The following KPNA7 variants were observed in gnomAD, a reference collection of about 807,000 sequenced individuals.
KPNA7 encodes the protein karyopherin subunit alpha 7, also known as importin subunit alpha-8.
In KPNA7, 54 loss-of-function variants were observed where a neutral mutation model predicts 53.7. That is an observed-to-expected ratio of 1.01 (90% CI 0.81 to 1.26). The LOEUF is 1.26. KPNA7 is among the 50% of genes most tolerant of loss of function. KPNA7 has a pLI of 0.00. For missense variants in KPNA7, 640 were observed against 644.5 expected (o/e 0.99, Z 0.07); for synonymous variants, 276 against 259.3 (o/e 1.06, Z -0.62).
rs117558584 is a variant in KPNA7 at position 99,193,181 on chromosome 7, G to A, written c.554-80C>T. 2.8e-3 allele frequency: 2,376 copies of A among 838,166 alleles called. 13 individuals are homozygous for A. The highest frequency in any genetic ancestry group is 3.6e-3 in the South Asian group (157 of 43,122). The allele number at this position is 838,166 out of a possible 1,614,324, so 51.9% of individuals were successfully genotyped here. A position where few individuals can be genotyped will look rare whatever the true frequency, so the allele number is the denominator to read the frequency against. ...TGGGTGACTAATTTTTTAAGAGTGTGCAAAGGGCAAGAGACAAAAACTCAT... is the reference window on the plus strand; with the variant it reads ...TGGGTGACTAATTTTTTAAGAGTGTACAAAGGGCAAGAGACAAAAACTCAT... On this transcript the variant is annotated intron_variant, in intron 5 of 10. Transcript: ENST00000327442.
the KPNA7 span, among the ~76,000 whole-genome samples, chr7:99,167,555 C>A: frequency 2.0e-5 from 3 of 150,016 alleles, no homozygotes; most frequent in Non-Finnish European, 3.0e-5. Context: ...CGGGTTCAAG[C>A]AATTCTCCTG....
At chr7:99,194,194 T>A (rs1790105319) in intron 5 of KPNA7, among the ~76,000 whole-genome samples, 1 of 152,186 alleles carries the variant, frequency 6.6e-6, no homozygotes, top group Admixed American at 6.6e-5. Flanking sequence ...ACTGGATTGA[T>A]GTCAGCCAAG....
the KPNA7 span, among the ~76,000 whole-genome samples, chr7:99,164,085 C>A: frequency 1.3e-5 from 2 of 150,084 alleles, no homozygotes. Flanking sequence ...TGTGGTGATT[C>A]CTCAGGGATC....
At chr7:99,213,262 A>C (rs1217746793) in intron 1 of KPNA7, among the ~76,000 whole-genome samples, 4 of 150,220 alleles carry the variant, frequency 2.7e-5, no homozygotes, top group Non-Finnish European at 3.0e-5. Flanking sequence ...AAGTAGCTGG[A>C]ACTAAAGGCT....
chr7:99,158,880 T>C, the KPNA7 span, among the ~76,000 whole-genome samples: 4 of 152,054 alleles, frequency 2.6e-5, no homozygotes, highest in South Asian at 8.3e-4. Flanking sequence ...TTTTTTTTCT[T>C]TTGAGAGGGA....
intron 3 of KPNA7, among the ~76,000 whole-genome samples, chr7:99,201,804 G>A (rs1389332513): frequency 6.6e-6 from 1 of 151,844 alleles, no homozygotes; most frequent in African/African-American, 2.4e-5. Flanking sequence ...TGCCTCCCAG[G>A]TTCAAGCAAC....
At chr7:99,166,305 G>A in the KPNA7 span, among the ~76,000 whole-genome samples, 13 of 152,108 alleles carry the variant, frequency 8.5e-5, no homozygotes, top group East Asian at 9.7e-4. Context: ...CACCTACTAT[G>A]TTTCTAGGTC....
intron 3 of KPNA7, among the ~76,000 whole-genome samples, chr7:99,199,065 G>GAAAAAAAAAAA (rs67877761): frequency 1.6e-4 from 10 of 61,106 alleles, no homozygotes; most frequent in East Asian, 5.8e-4. Flanking sequence ...GCTGCAAACT[G>GAAAAAAAAAAA]AAAAAAAAAA....
chr7:99,148,895 G>C, the KPNA7 span, among the ~76,000 whole-genome samples: 1 of 112,582 alleles, frequency 8.9e-6, no homozygotes. Flanking sequence ...CCCAAGAACC[G>C]TTTTTTTTTT....
intron 6 of KPNA7, among the ~76,000 whole-genome samples, chr7:99,192,259 T>C (rs1459557436): frequency 6.6e-6 from 1 of 152,166 alleles, no homozygotes. Context: ...TGCTAAACTG[T>C]GACCCTAGAA....
intron 10 of KPNA7, among the ~76,000 whole-genome samples, chr7:99,177,223 A>C (rs1367349520): frequency 6.6e-6 from 1 of 152,172 alleles, no homozygotes; most frequent in Non-Finnish European, 1.5e-5. Flanking sequence ...GGGCTAGGGG[A>C]AAGGTGTGTT....
the KPNA7 span, among the ~76,000 whole-genome samples, chr7:99,150,259 C>A: frequency 6.6e-6 from 1 of 151,834 alleles, no homozygotes; most frequent in African/African-American, 2.4e-5. Context: ...CCAAACCTGG[C>A]TAATTTTTAT....
upstream of KPNA7, among the ~76,000 whole-genome samples, chr7:99,211,282 T>C (rs1791063726): frequency 6.6e-6 from 1 of 152,062 alleles, no homozygotes; most frequent in Non-Finnish European, 1.5e-5. Flanking sequence ...TAGCCAGGTG[T>C]GGTGGCACAT....
Position 99,192,809 on chromosome 7 carries a change from A to G in KPNA7, c.636+210T>C, listed in dbSNP as rs1360798577. Among the ~76,000 whole-genome samples the G allele has an allele frequency of 2.6e-5, 4 of 152,010 alleles. No homozygotes were observed. The East Asian group carries it at 7.7e-4, about 29-fold the overall frequency. ...CAATTTCCCAACATTAGAATTTGTTACCTAACGAGGTTCTCTCTCATTTAA... is the reference window on the plus strand; with the variant it reads ...CAATTTCCCAACATTAGAATTTGTTGCCTAACGAGGTTCTCTCTCATTTAA... On this transcript the variant is annotated intron_variant, in intron 6 of 10. Coordinates refer to ENST00000327442, the MANE Select transcript of KPNA7 (RefSeq NM_001145715.3).
chr7:99,177,728 G>T (rs1420521304), intron 10 of KPNA7, among the ~76,000 whole-genome samples, 192 bp downstream of exon 10: 1 of 152,006 alleles, frequency 6.6e-6, no homozygotes, highest in African/African-American at 2.4e-5. Context: ...GCACCAAGAT[G>T]TCACTACTCA....
chr7:99,152,163 G>A, the KPNA7 span, among the ~76,000 whole-genome samples: 34,433 of 151,890 alleles, frequency 0.23, 4,024 homozygotes, highest in South Asian at 0.33. Flanking sequence ...CAGCCTGGGC[G>A]ACAGAGCGAG....
the KPNA7 span, among the ~76,000 whole-genome samples, chr7:99,163,207 C>A: frequency 2.0e-5 from 3 of 151,044 alleles, no homozygotes; most frequent in African/African-American, 7.3e-5. Flanking sequence ...TATGTAAATT[C>A]AACCTAGAAA....
intron 6 of KPNA7, among the ~76,000 whole-genome samples, chr7:99,190,326 ACT>A (rs1584287446): frequency 7.6e-6 from 1 of 132,142 alleles, no homozygotes; most frequent in African/African-American, 3.0e-5. Flanking sequence ...ACAGAGCAAG[ACT>A]CTGTCTCAAA....
the KPNA7 span, among the ~76,000 whole-genome samples, chr7:99,149,219 A>G: frequency 6.6e-6 from 1 of 151,874 alleles, no homozygotes; most frequent in African/African-American, 2.4e-5. Flanking sequence ...ATTTTTTCTA[A>G]AGGAAATTAT....
Sources: allele counts gnomAD v4.1 joint callset (sites outside exome capture counted in the v4.1 genomes callset), GRCh38; gene constraint gnomAD v4.1.1; transcripts MANE v1.5; gene names NCBI Gene and HGNC (gene_info 2026-07-23, HGNC 2026-07-21).